The following EPHA2 variants were observed in gnomAD, a reference collection of about 807,000 sequenced individuals.
The protein encoded by EPHA2 is EPH receptor A2.
A neutral mutation model predicts 104.9 loss-of-function variants in EPHA2; 54 were observed. That is an observed-to-expected ratio of 0.51 (90% CI 0.41 to 0.65). The LOEUF is 0.65. EPHA2 is among the 30% of genes least tolerant of loss of function. The pLI is 0.00. For synonymous variants in EPHA2, 560 were observed against 559.1 expected, an observed-to-expected ratio of 1.00 and a Z score of -0.02; for missense variants, 1,117 against 1,369.5, an observed-to-expected ratio of 0.82 and a Z score of 2.91.
intron 3 of EPHA2, among the ~76,000 whole-genome samples, chr1:16,147,737 C>A (rs1252642462): frequency 6.6e-6 from 1 of 151,122 alleles, no homozygotes; most frequent in East Asian, 1.9e-4. Context: ...GATGAGGAAA[C>A]CCAGGCACAG....
chr1:16,139,886 G>A lies in EPHA2; in HGVS notation c.824-1456C>T, dbSNP rs143153078. The stretch of plus-strand genomic sequence containing the variant: ...GATGTGGAGAAGTCAGACCCCTGCC[G>A]TCAGGAAAAATCTGTGCCTGGAGGC... On this transcript the variant is annotated intron_variant, in intron 3 of 16. Transcript: ENST00000358432. Among the ~76,000 whole-genome samples the A allele has an allele frequency of 2.0e-3, 300 of 152,226 alleles. 2 individuals are homozygous for A. The highest frequency in any genetic ancestry group is 6.7e-3 in the African/African-American group (277 of 41,544).
chr1:16,142,172 C>G (rs1384462131), intron 3 of EPHA2, among the ~76,000 whole-genome samples: 1 of 152,258 alleles, frequency 6.6e-6, no homozygotes, highest in Non-Finnish European at 1.5e-5. Flanking sequence ...CACAGCCCTC[C>G]CAGACTGCCC....
intron 3 of EPHA2, among the ~76,000 whole-genome samples, chr1:16,142,394 C>T (rs556414804): frequency 6.6e-6 from 1 of 152,342 alleles, no homozygotes; most frequent in Admixed American, 6.5e-5. Flanking sequence ...TTCCGTGAGA[C>T]CAGCAGCTCC....
Position 16,133,906 on chromosome 1 carries a change from G to T in EPHA2, c.1692C>A (p.Asn564Lys). 6.4e-7 allele frequency: 1 copy of T among 1,550,814 alleles called. No individual in the cohort carries two copies. ...CCTCCGGGGACTGGCGGGCACGCTGGTTCTTCCTCCTGAAAGAGCCCCACG... is the reference window on the plus strand; with the variant it reads ...CCTCCGGGGACTGGCGGGCACGCTGTTTCTTCCTCCTGAAAGAGCCCCACG... Reference protein sequence around the residue: ...VGFFIHRRRKNQRARQSPEDV... With the variant: ...VGFFIHRRRKKQRARQSPEDV... Residue 564 changes from asparagine (N) to lysine (K), a missense_variant, in exon 9 of 17, where the codon AAC (asparagine) becomes AAA (lysine). Coordinates refer to ENST00000358432, the MANE Select transcript of EPHA2 (RefSeq NM_004431.5).
In EPHA2 at chr1:16,128,547, G is replaced by A. The variant is rs747486771; in HGVS notation, c.2825+887C>T. ...GGTTCCCAAAACCTCCCAGCCTCCC[G>A]GTCTGTTCCCGCCATGATCTTTGAC... On this transcript the variant is annotated intron_variant, in intron 16 of 16. Transcript: ENST00000358432. This position sits in a 1 kb window ranked among gnomAD's most constrained non-coding sequence, Gnocchi z 4.7. Among the ~76,000 whole-genome samples the A allele has an allele frequency of 3.3e-5, 5 of 152,160 alleles. No homozygotes were observed. The highest frequency in any genetic ancestry group is 7.2e-5 in the African/African-American group (3 of 41,436).
chr1:16,129,914 T>G (rs2024541961), intron 15 of EPHA2, among the ~76,000 whole-genome samples: 2 of 152,322 alleles, frequency 1.3e-5, no homozygotes, highest in Middle Eastern at 3.4e-3. Flanking sequence ...ATGTAAGATA[T>G]TCAATCGCCC....
rs764701970 is a variant in EPHA2, at chr1:16,137,868, T to C, written c.1297A>G (p.Ser433Gly). 7 of 1,613,838 alleles carry C rather than the reference T, an allele frequency of 4.3e-6. No homozygotes were observed. Among genetic ancestry groups the C allele is most frequent in the Non-Finnish European group, 5.9e-6 (7 of 1,179,908 alleles). The change falls in exon 5 of 17, where the codon AGC (serine) becomes GGC (glycine). Residue 433 changes from serine (S) to glycine (G), a missense_variant. Transcript: ENST00000358432. ...TSRSFRTASV[S>G]INQTEPPKVR... Reference sequence around the variant, plus strand: ...TGGACCTCACCTGTCTGGTTGATGCTGACACTGGCAGTACGGAAGCTGCGG... The same window carrying C: ...TGGACCTCACCTGTCTGGTTGATGCCGACACTGGCAGTACGGAAGCTGCGG...
intron 3 of EPHA2, among the ~76,000 whole-genome samples, chr1:16,141,236 AC>A (rs1426287624): frequency 1.3e-5 from 2 of 152,148 alleles, no homozygotes; most frequent in Non-Finnish European, 2.9e-5. Context: ...CAAACTGGGC[AC>A]TTTTGTGTCT....
intron 3 of EPHA2, among the ~76,000 whole-genome samples, chr1:16,144,748 C>A (rs575075079): frequency 9.8e-5 from 15 of 152,342 alleles, no homozygotes; most frequent in African/African-American, 3.4e-4. Flanking sequence ...GGTCATACAG[C>A]CTGTGGGTGG....
rs552497836 is a variant in EPHA2 at position 16,137,546 on chromosome 1, C to T, written c.1312+307G>A. Among the ~76,000 whole-genome samples the T allele has an allele frequency of 5.8e-4, 88 of 152,148 alleles. 1 individual carries two copies. In the South Asian group the frequency reaches 8.3e-3, roughly 14 times the overall value. Reference sequence around the variant, plus strand: ...CCGGAAGGCAGAGGTTGCAGTGAGCCGAGATCAAGCCACTGCACTCCAGCC... The same window carrying T: ...CCGGAAGGCAGAGGTTGCAGTGAGCTGAGATCAAGCCACTGCACTCCAGCC... On this transcript the variant is annotated intron_variant, in intron 5 of 16. Coordinates refer to ENST00000358432, the MANE Select transcript of EPHA2 (RefSeq NM_004431.5).
chr1:16,132,092 T>A lies in EPHA2; in HGVS notation c.2297A>T (p.Asp766Val). 2 of 1,613,922 alleles carry A rather than the reference T, an allele frequency of 1.2e-6. No individual in the cohort carries two copies. The highest frequency in any genetic ancestry group is 2.2e-5 in the South Asian group (2 of 91,064). ...GGTGGTGTAGGTGGCCTCGGGGTCGTCCTCCAGCACGCGGGACAGGCCAAA... is the reference window on the plus strand; with the variant it reads ...GGTGGTGTAGGTGGCCTCGGGGTCGACCTCCAGCACGCGGGACAGGCCAAA... ...SDFGLSRVLEDDPEATYTTSG... is the reference protein window; with the variant it reads ...SDFGLSRVLEVDPEATYTTSG... The change falls in exon 13 of 17, where the codon GAC (aspartate) becomes GTC (valine). Residue 766 changes from aspartate (D) to valine (V), a missense_variant. Around this residue, in one of 3 missense-constraint regions of EPHA2, gnomAD observed 340 missense variants for 480.5 expected, o/e 0.71. Transcript: ENST00000358432.
At position 16,138,093 on chromosome 1, in the gene EPHA2, C is replaced by A. The variant is rs201941686; in HGVS notation, c.1072G>T (p.Glu358Ter). The A allele has an allele frequency of 2.5e-6, 4 of 1,610,484 alleles. No individual in the cohort carries two copies. Among genetic ancestry groups the A allele is most frequent in the Non-Finnish European group, 1.7e-6 (2 of 1,179,616 alleles). The change falls in exon 5 of 17, where the codon GAG (glutamate) becomes TAG (stop). Residue 358 changes from glutamate (E) to a stop codon, truncating the protein, a stop_gained. Transcript: ENST00000358432. LOFTEE classifies it high-confidence loss of function. ...WTPPQDSGGR[E>*]DIVYSVTCEQ... ...CAGGTGACGCTGTAGACAATGTCCT[C>A]GCGGCCCCCGCTGTCCTGAGGGGGC...
Position 16,155,974 on chromosome 1 carries a change from TC to T in EPHA2, c.-43del. ...TCGGTCCGATCCCCCCGAGCCCGGC[TC>T]CCGCACACCCGCACGCCTGCACGCC... On this transcript the variant is annotated 5_prime_UTR_variant, in exon 1 of 17. Transcript: ENST00000358432. 1 of 1,456,110 alleles carries T rather than the reference TC, an allele frequency of 6.9e-7. No individual in the cohort carries two copies. 90.2% of individuals were successfully genotyped at this position (1,456,110 alleles called of 1,614,324 possible). A position where few individuals can be genotyped will look rare whatever the true frequency, so the allele number is the denominator to read the frequency against.
chr1:16,154,952 C>T (rs2025123434), intron 1 of EPHA2, among the ~76,000 whole-genome samples: 1 of 152,028 alleles, frequency 6.6e-6, no homozygotes, highest in Non-Finnish European at 1.5e-5. Flanking sequence ...AGCCCCCATC[C>T]TCGCCCTGAC....
rs1386450822 is a variant in EPHA2, at chr1:16,134,275, C to A, written c.1682+193G>T. Among the ~76,000 whole-genome samples the A allele has an allele frequency of 1.3e-5, 2 of 152,062 alleles. No individual in the cohort carries two copies. The highest frequency in any genetic ancestry group is 2.9e-5 in the Non-Finnish European group (2 of 67,994). ...ACAACAAGAGCAGAGGTAATGACCC[C>A]CGTGTCCCGGCCCCGCCGCGTGCCA... On this transcript the variant is annotated intron_variant, in intron 8 of 16. Coordinates refer to ENST00000358432, the MANE Select transcript of EPHA2 (RefSeq NM_004431.5). This position sits in a 1 kb window ranked among gnomAD's most constrained non-coding sequence, Gnocchi z 4.5.
At chr1:16,129,656 G>T in intron 15 of EPHA2, 67 bp from the exon 16 acceptor site, 1 of 1,537,790 alleles carries the variant, frequency 6.5e-7, no homozygotes, top group Non-Finnish European at 8.8e-7. Context: ...TGCACCTGCT[G>T]CTCCCTAACC....
intron 3 of EPHA2, among the ~76,000 whole-genome samples, chr1:16,142,273 C>T (rs1400193211): frequency 6.6e-6 from 1 of 152,244 alleles, no homozygotes; most frequent in Non-Finnish European, 1.5e-5. Context: ...TGGCACAATG[C>T]TGGGTGCTAG....
At chr1:16,140,456 T>C (rs1029113384) in intron 3 of EPHA2, among the ~76,000 whole-genome samples, 2 of 152,172 alleles carry the variant, frequency 1.3e-5, no homozygotes, top group Non-Finnish European at 2.9e-5. Context: ...GTCCTCGCAA[T>C]AGACCTGCTA....
At position 16,125,325 on chromosome 1, in the gene EPHA2, G is replaced by GGGCC; in HGVS notation, c.2826-9_2826-6dup. 1 of 1,611,268 alleles carries GGGCC rather than the reference G, an allele frequency of 6.2e-7. No homozygotes were observed. The highest frequency in any genetic ancestry group is 8.5e-7 in the Non-Finnish European group (1 of 1,178,452). ...ACCCCAATCCTCTTGATGTCGCTGT[G>GGGCC]GGCCGGGAGGGAGAGAGGGAGAGTT... On this transcript the variant is annotated splice_region_variant and splice_polypyrimidine_tract_variant and intron_variant, in intron 16 of 16. Transcript: ENST00000358432. This position sits in a 1 kb window ranked among gnomAD's most constrained non-coding sequence, Gnocchi z 4.9.
Sources: gnomAD v4.1 joint callset for allele counts (sites outside exome capture counted in the v4.1 genomes callset) on GRCh38, gnomAD v4.1.1 for gene constraint, gnomAD v4.1.1 regional missense constraint, Gnocchi (gnomAD v3.1) non-coding constraint, MANE v1.5 for transcripts, NCBI Gene and HGNC (gene_info 2026-07-23, HGNC 2026-07-21) for gene names.